Variants in PHF5A observed in about 807,000 individuals in gnomAD.
The protein encoded by PHF5A is PHD finger protein 5A.
For synonymous variants in PHF5A, 52 were observed against 46.0 expected, an observed-to-expected ratio of 1.13 and a Z score of -0.52; for missense variants, 24 against 140.6, an observed-to-expected ratio of 0.17 and a Z score of 4.19.
chr22:41,468,579 C>T, intron 1 of PHF5A, 23 bp downstream of exon 1: 1 of 1,613,134 alleles, frequency 6.2e-7, no homozygotes, highest in Non-Finnish European at 8.5e-7. Flanking sequence ...GCCCAGACAG[C>T]CAGGGGTAGG....
At chr22:41,467,411 A>G in intron 3 of PHF5A, 37 bp downstream of exon 3, 1 of 1,604,806 alleles carries the variant, frequency 6.2e-7, no homozygotes, top group Non-Finnish European at 8.5e-7. Context: ...TTACTAAACA[A>G]AAGGAGGAAA....
chr22:41,466,245 G>A (rs773175797), intron 3 of PHF5A, among the ~76,000 whole-genome samples: 3 of 151,930 alleles, frequency 2.0e-5, no homozygotes, highest in African/African-American at 4.8e-5. Flanking sequence ...AATACTAACC[G>A]AAAAAAATGG....
At chr22:41,468,423 C>A in intron 1 of PHF5A, 179 bp downstream of exon 1, 1 of 711,842 alleles carries the variant, frequency 1.4e-6, no homozygotes, top group Non-Finnish European at 2.4e-6. Flanking sequence ...AGCACGCGCA[C>A]CCCCGCCCTC....
chr22:41,468,364 C>T, intron 1 of PHF5A: 1 of 651,830 alleles, frequency 1.5e-6, no homozygotes, highest in Non-Finnish European at 2.7e-6. Context: ...CTCAGAGTTT[C>T]TCTGGACCTG....
At chr22:41,462,069 A>G (rs1293779086) in intron 3 of PHF5A, among the ~76,000 whole-genome samples, 1 of 152,166 alleles carries the variant, frequency 6.6e-6, no homozygotes, top group Admixed American at 6.5e-5. Context: ...CTAGAGATAG[A>G]TGGCTGTTGA....
At chr22:41,460,608 C>A in intron 3 of PHF5A, 121 bp from the exon 4 acceptor site, 2 of 609,064 alleles carry the variant, frequency 3.3e-6, no homozygotes, top group Non-Finnish European at 2.7e-6. Context: ...ACTCGAAGGC[C>A]GAGGCAGGAG....
At chr22:41,468,499 G>A in intron 1 of PHF5A, 103 bp downstream of exon 1, 1 of 1,314,598 alleles carries the variant, frequency 7.6e-7, no homozygotes, top group East Asian at 2.3e-5. Flanking sequence ...CGGGAAACGT[G>A]GCGCCTGCGA....
chr22:41,466,114 T>A (rs902011710), intron 3 of PHF5A, among the ~76,000 whole-genome samples: 2 of 152,294 alleles, frequency 1.3e-5, no homozygotes, highest in Admixed American at 1.3e-4. Flanking sequence ...TATTCTGAAT[T>A]AGAATTAAAT....
In PHF5A at chr22:41,459,918, C is replaced by CG. The variant is rs1491265943; in HGVS notation, c.*479_*480insC. The CG allele has an allele frequency of 3.6e-5, 4 of 112,304 alleles. 1 individual carries two copies. The highest frequency in any genetic ancestry group is 9.0e-5 in the Admixed American group (1 of 11,146). 7.0% of individuals were successfully genotyped at this position (112,304 alleles called of 1,614,324 possible). A position where few individuals can be genotyped will look rare whatever the true frequency, so the allele number is the denominator to read the frequency against. On this transcript the variant is annotated 3_prime_UTR_variant, in exon 4 of 4. Coordinates refer to ENST00000216252, the MANE Select transcript of PHF5A (RefSeq NM_032758.4). ...GAGCCCTGCCCCCCCACCCCCCCCC[C>CG]AAAAAAAACGGGAAATGCCTACATT...
intron 3 of PHF5A, among the ~76,000 whole-genome samples, chr22:41,461,457 G>A (rs941885518): frequency 6.6e-6 from 1 of 150,544 alleles, no homozygotes; most frequent in South Asian, 2.1e-4. Flanking sequence ...GCGCGATCTC[G>A]GCTCACTGCA....
chr22:41,467,681 A>G, intron 2 of PHF5A, 67 bp from the exon 3 acceptor site: 1 of 835,786 alleles, frequency 1.2e-6, no homozygotes, highest in South Asian at 1.9e-5. Flanking sequence ...TGCCATGGGG[A>G]AATATACTAG....
At chr22:41,466,661 C>T (rs2037868127) in intron 3 of PHF5A, among the ~76,000 whole-genome samples, 1 of 152,072 alleles carries the variant, frequency 6.6e-6, no homozygotes, top group Admixed American at 6.5e-5. Flanking sequence ...GTAGCTGCGA[C>T]CACAGGTACA....
At chr22:41,467,879 G>C (rs986904942) in intron 2 of PHF5A, 4 of 608,166 alleles carry the variant, frequency 6.6e-6, no homozygotes, top group Admixed American at 5.9e-5. Flanking sequence ...TGCTGGCAAA[G>C]TGCTGTGTGT....
intron 3 of PHF5A, among the ~76,000 whole-genome samples, chr22:41,462,029 C>G (rs2037831069): frequency 6.6e-6 from 1 of 152,170 alleles, no homozygotes; most frequent in Non-Finnish European, 1.5e-5. Context: ...TAATTTGACA[C>G]ATGGTCTTGG....
intron 3 of PHF5A, among the ~76,000 whole-genome samples, chr22:41,464,213 A>G (rs986565514): frequency 2.6e-5 from 4 of 152,226 alleles, no homozygotes; most frequent in African/African-American, 9.6e-5. Context: ...TCTGGTAGCA[A>G]TGTCCATAGA....
chr22:41,462,875 CT>C (rs779997553), intron 3 of PHF5A, among the ~76,000 whole-genome samples: 1,779 of 142,928 alleles, frequency 0.012, 28 homozygotes, highest in African/African-American at 0.039. Flanking sequence ...TACGGGTTAG[CT>C]TTTTTTTTTT....
intron 3 of PHF5A, among the ~76,000 whole-genome samples, chr22:41,465,008 T>C (rs2037854746): frequency 6.6e-6 from 1 of 152,190 alleles, no homozygotes; most frequent in Admixed American, 6.5e-5. Flanking sequence ...TGAAGTGTAA[T>C]CTAGCTAGTA....
At position 41,467,621 on chromosome 22, in the gene PHF5A, G is replaced by A. The variant is rs1183053337; in HGVS notation, c.77-7C>T. 1 of 1,613,998 alleles carries A rather than the reference G, an allele frequency of 6.2e-7. No homozygotes were observed. The highest frequency in any genetic ancestry group is 1.1e-5 in the South Asian group (1 of 91,080). ...ATCACACACTTGCCATCACCTGTAA[G>A]GAAGAGAATGGAGTCATGCTCACAA... On this transcript the variant is annotated splice_polypyrimidine_tract_variant and splice_region_variant and intron_variant, in intron 2 of 3. Coordinates refer to ENST00000216252, the MANE Select transcript of PHF5A (RefSeq NM_032758.4).
intron 3 of PHF5A, among the ~76,000 whole-genome samples, chr22:41,465,883 AAAAT>A (rs576477151): frequency 6.6e-5 from 10 of 152,004 alleles, no homozygotes; most frequent in South Asian, 2.1e-4. Flanking sequence ...TCCATCTCAA[AAAAT>A]AAATAAATAA....
Sources: allele counts gnomAD v4.1 joint callset (sites outside exome capture counted in the v4.1 genomes callset), GRCh38; gene constraint gnomAD v4.1.1; transcripts MANE v1.5; gene names NCBI Gene and HGNC (gene_info 2026-07-23, HGNC 2026-07-21).